Variants in IL19 observed in about 807,000 individuals in gnomAD.
The protein encoded by IL19 is interleukin 19.
A neutral mutation model predicts 19.5 loss-of-function variants in IL19; 15 were observed. The ratio of observed to expected loss-of-function variants is 0.77; its 90% CI spans 0.52 to 1.19. The LOEUF is 1.19. Among genes scored for constraint, IL19 ranks in the 50% most tolerant of loss-of-function variants. The pLI is 0.00. For synonymous variants in IL19, 78 were observed against 78.3 expected, an observed-to-expected ratio of 1.00 and a Z score of 0.02; for missense variants, 199 against 213.1, an observed-to-expected ratio of 0.93 and a Z score of 0.41.
At chr1:206,797,238 A>AT (rs1375884234) in intron 1 of IL19, among the ~76,000 whole-genome samples, 5 of 151,846 alleles carry the variant, frequency 3.3e-5, no homozygotes, top group African/African-American at 1.2e-4. Context: ...GCCCCATGGG[A>AT]TTTTGCCAAG....
chr1:206,808,836 A>G (rs1675925976), intron 2 of IL19, among the ~76,000 whole-genome samples: 1 of 152,324 alleles, frequency 6.6e-6, no homozygotes, highest in Non-Finnish European at 1.5e-5. Flanking sequence ...TTGTGGTGCA[A>G]CAAAGAAGGT....
chr1:206,779,294 C>T (rs181157368), intron 1 of IL19, among the ~76,000 whole-genome samples: 6 of 152,324 alleles, frequency 3.9e-5, no homozygotes, highest in Non-Finnish European at 5.9e-5. Flanking sequence ...CACATCCTCA[C>T]GCCCTCACCT....
At chr1:206,841,135 G>A in intron 6 of IL19, 57 bp downstream of exon 6, 7 of 1,391,162 alleles carry the variant, frequency 5.0e-6, no homozygotes, top group Non-Finnish European at 7.2e-6. Flanking sequence ...TCAGGAGGGT[G>A]CCAGGCCTTC....
chr1:206,832,172 G>T (rs1018764688), intron 2 of IL19, among the ~76,000 whole-genome samples: 1 of 152,252 alleles, frequency 6.6e-6, no homozygotes, highest in Non-Finnish European at 1.5e-5. Context: ...CTCCAAAGGA[G>T]CAGAAAGATG....
At chr1:206,786,255 G>A (rs1675267744) in intron 1 of IL19, among the ~76,000 whole-genome samples, 1 of 152,222 alleles carries the variant, frequency 6.6e-6, no homozygotes, top group African/African-American at 2.4e-5. Context: ...ACTTTTACCT[G>A]ACAAGCCATT....
chr1:206,807,207 A>G (rs1403490327), intron 2 of IL19, among the ~76,000 whole-genome samples: 1 of 152,212 alleles, frequency 6.6e-6, no homozygotes, highest in Non-Finnish European at 1.5e-5. Flanking sequence ...ATTACCTCCC[A>G]CCAGGTCCCT....
chr1:206,826,809 C>T (rs1396013112), intron 2 of IL19, among the ~76,000 whole-genome samples: 2 of 152,226 alleles, frequency 1.3e-5, no homozygotes, highest in African/African-American at 2.4e-5. Flanking sequence ...TGCCGTTCTG[C>T]TGTTCCTTTG....
At chr1:206,771,247 T>C in intron 1 of IL19, 169 bp downstream of exon 1, 1 of 1,204,902 alleles carries the variant, frequency 8.3e-7, no homozygotes, top group Non-Finnish European at 1.2e-6. Flanking sequence ...TTCCCACTTC[T>C]CCTTTTCAAA....
chr1:206,807,704 G>GTA (rs1222476697), intron 2 of IL19, among the ~76,000 whole-genome samples: 1 of 139,908 alleles, frequency 7.1e-6, no homozygotes, highest in African/African-American at 2.7e-5. Flanking sequence ...TTCTCTTAGA[G>GTA]TATGAACCCC....
At chr1:206,830,688 C>T (rs1418738988) in intron 2 of IL19, among the ~76,000 whole-genome samples, 1 of 152,098 alleles carries the variant, frequency 6.6e-6, no homozygotes, top group African/African-American at 2.4e-5. Flanking sequence ...ATGCCATTCT[C>T]CCGCCTCTGC....
intron 2 of IL19, among the ~76,000 whole-genome samples, chr1:206,818,469 T>C (rs903619258): frequency 2.0e-5 from 3 of 152,236 alleles, no homozygotes; most frequent in Non-Finnish European, 4.4e-5. Context: ...TCTATTTACA[T>C]AATATACTAG....
intron 1 of IL19, among the ~76,000 whole-genome samples, chr1:206,792,040 A>C (rs1675420044): frequency 1.3e-5 from 2 of 152,052 alleles, no homozygotes; most frequent in African/African-American, 4.8e-5. Context: ...GGGCAGTGCC[A>C]CTCACGGGCA....
chr1:206,810,045 A>G (rs1391373259), intron 2 of IL19, among the ~76,000 whole-genome samples: 1 of 152,112 alleles, frequency 6.6e-6, no homozygotes, highest in Non-Finnish European at 1.5e-5. Context: ...GTCGGATCTC[A>G]CCCTTCTTTG....
At chr1:206,795,637 G>A (rs1381184246) in intron 1 of IL19, among the ~76,000 whole-genome samples, 2 of 152,144 alleles carry the variant, frequency 1.3e-5, no homozygotes, top group African/African-American at 4.8e-5. Context: ...TGGATGGGCA[G>A]ACAGACCCAA....
At chr1:206,818,339 T>C (rs1676214663) in intron 2 of IL19, among the ~76,000 whole-genome samples, 1 of 152,234 alleles carries the variant, frequency 6.6e-6, no homozygotes. Flanking sequence ...CATAGCCATA[T>C]AATGGCTACT....
At chr1:206,803,537 T>C (rs1026893298) in intron 2 of IL19, among the ~76,000 whole-genome samples, 1 of 152,192 alleles carries the variant, frequency 6.6e-6, no homozygotes, top group Non-Finnish European at 1.5e-5. Flanking sequence ...ACAAGCTGGA[T>C]GCTTGTACTG....
At chr1:206,834,545 G>T (rs1486364127) in intron 2 of IL19, 2 of 606,040 alleles carry the variant, frequency 3.3e-6, no homozygotes, top group African/African-American at 4.0e-5. Context: ...ATGGGAAGGG[G>T]TACTCTATAG....
At chr1:206,821,118 CT>C (rs1676279338) in intron 2 of IL19, among the ~76,000 whole-genome samples, 1 of 152,230 alleles carries the variant, frequency 6.6e-6, no homozygotes, top group Non-Finnish European at 1.5e-5. Flanking sequence ...ATCCTCAGCT[CT>C]TCAGGGGATG....
intron 5 of IL19, chr1:206,840,601 T>C: frequency 4.8e-6 from 1 of 209,064 alleles, no homozygotes. Flanking sequence ...CTACTTGCAT[T>C]AATATGATAA....
Sources: allele counts gnomAD v4.1 joint callset (sites outside exome capture counted in the v4.1 genomes callset), GRCh38; gene constraint gnomAD v4.1.1; transcripts MANE v1.5; gene names NCBI Gene and HGNC (gene_info 2026-07-23, HGNC 2026-07-21).